Variants in MAP1LC3A observed in about 807,000 individuals in gnomAD.
MAP1LC3A encodes the protein microtubule associated protein 1 light chain 3 alpha.
A neutral mutation model predicts 15.2 loss-of-function variants in MAP1LC3A; 10 were observed. The observed-to-expected ratio is 0.66, with a 90% CI of 0.41 to 1.12. The LOEUF (loss-of-function observed/expected upper bound fraction) is 1.12. MAP1LC3A is among the 50% of genes most tolerant of loss of function. MAP1LC3A has a pLI of 0.00. For synonymous variants in MAP1LC3A, 63 were observed against 64.3 expected, an observed-to-expected ratio of 0.98 and a Z score of 0.10; for missense variants, 138 against 167.3, an observed-to-expected ratio of 0.82 and a Z score of 0.97.
chr20:34,548,925 T>TGAACTC (rs1158062511), intron 1 of MAP1LC3A, among the ~76,000 whole-genome samples: 1 of 152,214 alleles, frequency 6.6e-6, no homozygotes, highest in East Asian at 1.9e-4. Flanking sequence ...AAGCTGGTCT[T>TGAACTC]GAACTCCTGA....
upstream of MAP1LC3A, among the ~76,000 whole-genome samples, chr20:34,553,997 A>G (rs1026174465): frequency 1.4e-4 from 21 of 152,200 alleles, no homozygotes; most frequent in Non-Finnish European, 4.4e-5. Flanking sequence ...TGTGTAGGAA[A>G]GACATGGGCA....
At chr20:34,559,103 G>T in intron 1 of MAP1LC3A, 105 bp from the exon 2 acceptor site, 1 of 1,353,808 alleles carries the variant, frequency 7.4e-7, no homozygotes, top group Non-Finnish European at 9.6e-7. Context: ...TGGCCCCGGG[G>T]GTGGGGGCTG....
chr20:34,552,318 G>A (rs1981978101), intron 2 of MAP1LC3A, among the ~76,000 whole-genome samples: 2 of 152,262 alleles, frequency 1.3e-5, no homozygotes, highest in South Asian at 4.1e-4. Context: ...GTTAATGGCA[G>A]AATGTAACTG....
upstream of MAP1LC3A, among the ~76,000 whole-genome samples, chr20:34,554,162 T>C (rs1982054229): frequency 6.6e-6 from 1 of 152,150 alleles, no homozygotes; most frequent in African/African-American, 2.4e-5. Flanking sequence ...AGTCTTTCAC[T>C]GTGTGTAGAT....
chr20:34,551,541 G>A (rs980606739), intron 2 of MAP1LC3A, among the ~76,000 whole-genome samples: 1 of 134,598 alleles, frequency 7.4e-6, no homozygotes, highest in Non-Finnish European at 1.5e-5. Flanking sequence ...GCACGATTTC[G>A]GCTCACTGCA....
At chr20:34,559,168 C>G (rs1982307282) in intron 1 of MAP1LC3A, 40 bp from the exon 2 acceptor site, 3 of 1,516,680 alleles carry the variant, frequency 2.0e-6, no homozygotes, top group Non-Finnish European at 2.6e-6. Context: ...CGGACCTGGG[C>G]CGGCCCGACC....
In MAP1LC3A at chr20:34,559,202, C is replaced by A; in HGVS notation, c.41-6C>A. 6.3e-7 allele frequency: 1 copy of A among 1,588,980 alleles called. No homozygotes were observed. The highest frequency in any genetic ancestry group is 8.5e-7 in the Non-Finnish European group (1 of 1,169,778). On this transcript the variant is annotated splice_region_variant and splice_polypyrimidine_tract_variant and intron_variant, in intron 1 of 3. Coordinates refer to ENST00000360668, the MANE Select transcript of MAP1LC3A (RefSeq NM_032514.4). ...CCCGGCCTCACGGTCTGGCCGCTGT[C>A]CGCAGCCGACCGCTGTAAGGAGGTA...
chr20:34,549,406 C>T (rs954675599), intron 1 of MAP1LC3A, among the ~76,000 whole-genome samples: 2 of 152,178 alleles, frequency 1.3e-5, no homozygotes, highest in Non-Finnish European at 2.9e-5. Flanking sequence ...CCCACGTGTC[C>T]TCCCGATATG....
upstream of MAP1LC3A, among the ~76,000 whole-genome samples, chr20:34,554,378 T>C (rs1364693919): frequency 6.0e-5 from 1 of 16,546 alleles, no homozygotes; most frequent in Non-Finnish European, 1.6e-4. Flanking sequence ...TTTTTTTTTT[T>C]TTTTTTTTTT....
intron 2 of MAP1LC3A, among the ~76,000 whole-genome samples, chr20:34,553,031 A>C (rs368685447): frequency 6.6e-6 from 1 of 152,154 alleles, no homozygotes; most frequent in East Asian, 1.9e-4. Flanking sequence ...TCTACCAAAA[A>C]TACAAAAATT....
upstream of MAP1LC3A, among the ~76,000 whole-genome samples, chr20:34,556,383 C>T (rs1320657254): frequency 6.6e-6 from 1 of 152,048 alleles, no homozygotes; most frequent in Non-Finnish European, 1.5e-5. Context: ...ATGTGTTGGT[C>T]TCACACAGGT....
Position 34,559,404 on chromosome 20 carries a change from T to G in MAP1LC3A, c.154T>G (p.Phe52Val), listed in dbSNP as rs1320640788. The G allele has an allele frequency of 2.5e-6, 4 of 1,606,068 alleles. No homozygotes were observed. Among genetic ancestry groups the G allele is most frequent in the Admixed American group, 1.7e-5 (1 of 59,576 alleles). Residue 52 changes from phenylalanine (F) to valine (V), a missense_variant, in exon 3 of 4, where the codon TTT becomes GTT. Physicochemically the swap from Phe to Val is conservative, Grantham distance 50 (BLOSUM62 -1). Transcript: ENST00000360668. ...KQLPVLDKTK[F>V]LVPDHVNMSE... Reference sequence around the variant, plus strand: ...GCTGCCCGTCCTGGACAAGACCAAGTTTTTGGTCCCGGACCATGTCAACAT... The same window carrying G: ...GCTGCCCGTCCTGGACAAGACCAAGGTTTTGGTCCCGGACCATGTCAACAT...
intron 1 of MAP1LC3A, among the ~76,000 whole-genome samples, chr20:34,548,426 G>A (rs933019672): frequency 2.6e-5 from 4 of 152,204 alleles, no homozygotes. Flanking sequence ...AAGGGTGGCA[G>A]CCCCGGCCCT....
chr20:34,550,216 G>A (rs1458228288), intron 2 of MAP1LC3A, among the ~76,000 whole-genome samples: 1 of 152,238 alleles, frequency 6.6e-6, no homozygotes. Context: ...CAGGAATGAG[G>A]GGTGGGAGCA....
upstream of MAP1LC3A, among the ~76,000 whole-genome samples, chr20:34,555,679 T>C (rs1982127103): frequency 6.6e-6 from 1 of 151,216 alleles, no homozygotes; most frequent in Non-Finnish European, 1.5e-5. Context: ...AAGAAATGGA[T>C]CTTATTTTGT....
chr20:34,556,515 ATTAG>A (rs1362377330), upstream of MAP1LC3A, among the ~76,000 whole-genome samples: 1 of 150,798 alleles, frequency 6.6e-6, no homozygotes, highest in Non-Finnish European at 1.5e-5. Context: ...TGTTTGGTTT[ATTAG>A]TTACTCAAAG....
At chr20:34,552,997 T>C (rs1024064489) in intron 2 of MAP1LC3A, among the ~76,000 whole-genome samples, 3 of 152,138 alleles carry the variant, frequency 2.0e-5, no homozygotes, top group Admixed American at 6.5e-5. Flanking sequence ...GAGACCAGCC[T>C]GGCCAACATG....
rs577550846 is a variant in MAP1LC3A, at chr20:34,547,150, A to G, written c.-74+234A>G. On this transcript the variant is annotated intron_variant, in intron 1 of 4. Transcript: ENST00000374837. ...TCGCAGGAGAGGAGAGAAAACATAC[A>G]CTTCCCTGGGGACGCGGGCGGGGAG... is the stretch of plus-strand genomic sequence containing the variant. Among the ~76,000 whole-genome samples, 190 of 152,098 alleles carry G rather than the reference A, an allele frequency of 1.2e-3. 2 individuals carry two copies. Among genetic ancestry groups the G allele is most frequent in the African/African-American group, 4.4e-3 (181 of 41,474 alleles).
intron 3 of MAP1LC3A, 31 bp downstream of exon 3, chr20:34,559,484 T>G: frequency 6.3e-7 from 1 of 1,588,672 alleles, no homozygotes; most frequent in Non-Finnish European, 8.6e-7. Context: ...AGGAGGTGGC[T>G]AGGGTCGGGA....
Sources: gnomAD v4.1 joint callset for allele counts (sites outside exome capture counted in the v4.1 genomes callset) on GRCh38, gnomAD v4.1.1 for gene constraint, MANE v1.5 for transcripts, NCBI Gene and HGNC (gene_info 2026-07-23, HGNC 2026-07-21) for gene names.